Variants in CERKL observed in about 807,000 individuals in gnomAD.
CERKL encodes the protein CERK like autophagy regulator.
A neutral mutation model predicts 63.4 loss-of-function variants in CERKL; 61 were observed. The ratio of observed to expected loss-of-function variants is 0.96; its 90% CI spans 0.78 to 1.19. CERKL has a LOEUF of 1.19. CERKL is among the 50% of genes most tolerant of loss of function. CERKL has a pLI of 0.00. For missense variants in CERKL, 675 were observed against 655.5 expected, an observed-to-expected ratio of 1.03 and a Z score of -0.33; for synonymous variants, 250 against 230.5, an observed-to-expected ratio of 1.08 and a Z score of -0.77.
At chr2:181,586,894 A>G (rs568717654) in intron 2 of CERKL, among the ~76,000 whole-genome samples, 28 of 152,304 alleles carry the variant, frequency 1.8e-4, no homozygotes, top group African/African-American at 6.7e-4. Flanking sequence ...AGAGCCCAGA[A>G]CCTTGTCATA....
intron 5 of CERKL, among the ~76,000 whole-genome samples, chr2:181,554,016 A>G (rs1353631597): frequency 6.6e-6 from 1 of 152,162 alleles, no homozygotes; most frequent in East Asian, 1.9e-4. Context: ...AATTAGCCTG[A>G]AAGTTATTTT....
rs923620347 is a variant in CERKL, at chr2:181,537,427, TTTGTTAC to T, written c.*750_*756del. On this transcript the variant is annotated 3_prime_UTR_variant, in exon 13 of 13. Coordinates refer to ENST00000410087, the MANE Select transcript of CERKL (RefSeq NM_201548.5). ...AAAATAGTATTTGTTATCAACTTAC[TTTGTTAC>T]TTGTATCATGAATTTTAAAACCCTA... The T allele has an allele frequency of 6.6e-6, 3 of 453,858 alleles. No individual in the cohort carries two copies. The highest frequency in any genetic ancestry group is 4.0e-5 in the African/African-American group (2 of 49,994). The allele number at this position is 453,858 out of a possible 1,614,324, so 28.1% of individuals were successfully genotyped here.
At position 181,558,709 on chromosome 2, in the gene CERKL, C is replaced by T. The variant is rs1209393896; in HGVS notation, c.678-1G>A. Reference sequence around the variant, plus strand: ...TCCATCTCCACCAACACAGACAACACTAGAAAAATACAAATCAAGCAAAGA... The same window carrying T: ...TCCATCTCCACCAACACAGACAACATTAGAAAAATACAAATCAAGCAAAGA... On this transcript the variant is annotated splice_acceptor_variant, in intron 4 of 12. Transcript: ENST00000410087. LOFTEE classifies it high-confidence loss of function. The surrounding 1 kb of genome is among the most constrained non-coding windows in gnomAD (Gnocchi z 4.2). 7 of 1,613,276 alleles carry T rather than the reference C, an allele frequency of 4.3e-6. No individual in the cohort carries two copies. Among genetic ancestry groups the T allele is most frequent in the Admixed American group, 3.3e-5 (2 of 59,890 alleles).
chr2:181,578,236 A>ATATACACACACACATATATG (rs1684340877), intron 2 of CERKL, among the ~76,000 whole-genome samples: 1 of 143,520 alleles, frequency 7.0e-6, no homozygotes, highest in African/African-American at 2.6e-5. Flanking sequence ...ACACACATAT[A>ATATACACACACACATATATG]TGTGTGTATA....
intron 1 of CERKL, among the ~76,000 whole-genome samples, chr2:181,645,624 C>T (rs902821355): frequency 4.6e-5 from 7 of 152,232 alleles, no homozygotes; most frequent in Admixed American, 2.0e-4. Flanking sequence ...AAGGCCACAG[C>T]TCCTGCCTAG....
At chr2:181,650,935 T>G (rs766350025) in intron 1 of CERKL, among the ~76,000 whole-genome samples, 1 of 152,042 alleles carries the variant, frequency 6.6e-6, no homozygotes, top group Non-Finnish European at 1.5e-5. Flanking sequence ...TTTGATAACA[T>G]AGAAAAAACG....
chr2:181,586,286 G>A (rs537573098), intron 2 of CERKL, among the ~76,000 whole-genome samples: 1 of 152,122 alleles, frequency 6.6e-6, no homozygotes, highest in South Asian at 2.1e-4. Context: ...AAGGACTTAT[G>A]TAAAGTCATT....
At chr2:181,642,624 T>C (rs1374633451) in intron 1 of CERKL, among the ~76,000 whole-genome samples, 2 of 152,136 alleles carry the variant, frequency 1.3e-5, no homozygotes, top group South Asian at 2.1e-4. Context: ...CTCTGAGTTG[T>C]GGCAGGAATA....
intron 2 of CERKL, among the ~76,000 whole-genome samples, chr2:181,600,988 A>C (rs1056285480): frequency 3.9e-5 from 6 of 152,128 alleles, no homozygotes; most frequent in Non-Finnish European, 8.8e-5. Flanking sequence ...AAAAAATCAA[A>C]ATCAATGCAA....
chr2:181,548,499 G>T, intron 8 of CERKL, 46 bp downstream of exon 8: 2 of 1,308,252 alleles, frequency 1.5e-6, no homozygotes, highest in Non-Finnish European at 2.2e-6. Context: ...AATGTTTTAT[G>T]CTTTAAAGAT....
intron 2 of CERKL, among the ~76,000 whole-genome samples, chr2:181,586,389 A>G (rs1684769054): frequency 1.3e-5 from 2 of 152,154 alleles, no homozygotes; most frequent in Admixed American, 1.3e-4. Flanking sequence ...TCCAATTATG[A>G]CAAACTGTTT....
chr2:181,655,423 A>G (rs1688114719), intron 1 of CERKL, among the ~76,000 whole-genome samples: 1 of 152,198 alleles, frequency 6.6e-6, no homozygotes, highest in Non-Finnish European at 1.5e-5. Flanking sequence ...ATAAACTTCT[A>G]TATTGCATAA....
Position 181,538,263 on chromosome 2 carries a change from ATTTCATC to A in CERKL, c.1539-26_1539-20del. On this transcript the variant is annotated intron_variant, in intron 12 of 12. Transcript: ENST00000410087. Reference sequence around the variant, plus strand: ...ATGCAATCTGTAAAGAAAATACATTATTTCATCAACTTATTTTGTTGTTTTTCACATA... The same window carrying A: ...ATGCAATCTGTAAAGAAAATACATTAAACTTATTTTGTTGTTTTTCACATA... The A allele has an allele frequency of 6.1e-6, 9 of 1,475,974 alleles. No homozygotes were observed. Among genetic ancestry groups the A allele is most frequent in the Non-Finnish European group, 8.5e-6 (9 of 1,056,190 alleles). 91.4% of individuals were successfully genotyped at this position (1,475,974 alleles called of 1,614,324 possible).
intron 3 of CERKL, among the ~76,000 whole-genome samples, chr2:181,570,602 C>A (rs1688862067): frequency 6.6e-6 from 1 of 152,140 alleles, no homozygotes; most frequent in Non-Finnish European, 1.5e-5. Context: ...AGATAAGATA[C>A]TACCTTGGTG....
At chr2:181,565,988 G>T in intron 4 of CERKL, 70 bp downstream of exon 4, 2 of 1,029,440 alleles carry the variant, frequency 1.9e-6, no homozygotes, top group Non-Finnish European at 3.0e-6. Flanking sequence ...TTCCAAATAT[G>T]TAGCTAAAAC....
At chr2:181,583,024 G>A (rs904367885) in intron 2 of CERKL, among the ~76,000 whole-genome samples, 1 of 151,980 alleles carries the variant, frequency 6.6e-6, no homozygotes, top group African/African-American at 2.4e-5. Flanking sequence ...TGTGAAAACT[G>A]GTAATTAAAA....
At chr2:181,638,498 T>C (rs930017264) in intron 1 of CERKL, among the ~76,000 whole-genome samples, 2 of 152,198 alleles carry the variant, frequency 1.3e-5, no homozygotes, top group Non-Finnish European at 2.9e-5. Context: ...GTAAAAATAA[T>C]CATTGCTGTG....
chr2:181,649,394 GATAC>G (rs1687805688), intron 1 of CERKL, among the ~76,000 whole-genome samples: 1 of 152,152 alleles, frequency 6.6e-6, no homozygotes, highest in African/African-American at 2.4e-5. Flanking sequence ...TAAGTACCCA[GATAC>G]ATACAGCAAA....
intron 1 of CERKL, among the ~76,000 whole-genome samples, chr2:181,655,749 T>A (rs1270862345): frequency 6.6e-6 from 1 of 152,204 alleles, no homozygotes; most frequent in Non-Finnish European, 1.5e-5. Flanking sequence ...GCAATTTTTT[T>A]AATTTCATAA....
Sources: gnomAD v4.1 joint callset for allele counts (sites outside exome capture counted in the v4.1 genomes callset) on GRCh38, gnomAD v4.1.1 for gene constraint, Gnocchi (gnomAD v3.1) non-coding constraint, MANE v1.5 for transcripts, NCBI Gene and HGNC (gene_info 2026-07-23, HGNC 2026-07-21) for gene names.